Variants in ILDR1 observed in about 807,000 individuals in gnomAD.
ILDR1 encodes immunoglobulin-like domain-containing receptor 1.
In ILDR1, 56 loss-of-function variants were observed where a neutral mutation model predicts 62.4. That is an observed-to-expected ratio of 0.90 (90% CI 0.72 to 1.12). ILDR1 has a LOEUF of 1.12. Ranked by LOEUF, ILDR1 falls within the 50% of genes most tolerant of loss-of-function variation. The probability of loss-of-function intolerance (pLI) is 0.00; values close to 1 mark genes in which losing one functional copy is unlikely to be tolerated. For synonymous variants in ILDR1, 284 were observed against 277.8 expected (o/e 1.02, Z -0.22); for missense variants, 736 against 710.6 (o/e 1.04, Z -0.41).
chr3:122,049,314 T>A, the ILDR1 span, among the ~76,000 whole-genome samples: 1 of 152,170 alleles, frequency 6.6e-6, no homozygotes, highest in Admixed American at 6.5e-5. Flanking sequence ...TAAAAAAAAA[T>A]GTTCTGTGTG....
chr3:122,052,230 G>T, the ILDR1 span, among the ~76,000 whole-genome samples: 1 of 152,112 alleles, frequency 6.6e-6, no homozygotes, highest in African/African-American at 2.4e-5. Context: ...TAGCTCTTTG[G>T]TTTCTTTTCA....
intron 1 of ILDR1, among the ~76,000 whole-genome samples, chr3:122,008,783 G>A (rs890336634): frequency 6.6e-6 from 1 of 151,484 alleles, no homozygotes; most frequent in African/African-American, 2.4e-5. Context: ...AGTAGATGCA[G>A]GGTTTCACCA....
At chr3:122,046,833 A>T in the ILDR1 span, among the ~76,000 whole-genome samples, 3 of 137,950 alleles carry the variant, frequency 2.2e-5, no homozygotes, top group South Asian at 5.1e-4. Flanking sequence ...AATTTTTTTC[A>T]AAGTTTTCAA....
At chr3:122,017,823 C>T (rs1350952838) in intron 1 of ILDR1, among the ~76,000 whole-genome samples, 1 of 152,166 alleles carries the variant, frequency 6.6e-6, no homozygotes, top group African/African-American at 2.4e-5. Flanking sequence ...TAGAGAAAAG[C>T]AAATCAAATC....
chr3:122,002,458 T>C (rs1302755502), intron 3 of ILDR1, among the ~76,000 whole-genome samples: 2 of 152,190 alleles, frequency 1.3e-5, no homozygotes, highest in Non-Finnish European at 2.9e-5. Context: ...CTCTGGATCC[T>C]GAAGGACAGG....
intron 1 of ILDR1, among the ~76,000 whole-genome samples, chr3:122,018,782 G>A (rs989272556): frequency 2.6e-5 from 4 of 152,134 alleles, no homozygotes; most frequent in Admixed American, 1.3e-4. Flanking sequence ...GAGGTATTCA[G>A]GAGCTCCCAA....
chr3:122,040,957 A>G, the ILDR1 span, among the ~76,000 whole-genome samples: 4 of 152,228 alleles, frequency 2.6e-5, no homozygotes, highest in African/African-American at 7.2e-5. Context: ...GACACCATCA[A>G]GAGTGTGAAA....
chr3:122,012,152 C>T (rs564588460), intron 1 of ILDR1, among the ~76,000 whole-genome samples: 1 of 152,312 alleles, frequency 6.6e-6, no homozygotes, highest in African/African-American at 2.4e-5. Context: ...GTAAACCTAA[C>T]CACACTGGGC....
chr3:122,013,842 G>A (rs1223711682), intron 1 of ILDR1, among the ~76,000 whole-genome samples: 1 of 152,174 alleles, frequency 6.6e-6, no homozygotes, highest in Non-Finnish European at 1.5e-5. Flanking sequence ...GCAGCACCCC[G>A]AGAAGGAAAG....
chr3:122,012,141 T>C (rs1233389549), intron 1 of ILDR1, among the ~76,000 whole-genome samples: 3 of 152,172 alleles, frequency 2.0e-5, no homozygotes, highest in Non-Finnish European at 4.4e-5. Context: ...CTAACTTCTC[T>C]GTAAACCTAA....
the ILDR1 span, among the ~76,000 whole-genome samples, chr3:122,042,835 G>T: frequency 1.3e-5 from 2 of 152,090 alleles, no homozygotes; most frequent in Non-Finnish European, 2.9e-5. Flanking sequence ...AGATGAGTAG[G>T]TTGTGAAAAT....
chr3:121,997,464 T>C (rs756614941), intron 5 of ILDR1, among the ~76,000 whole-genome samples: 19 of 152,312 alleles, frequency 1.2e-4, no homozygotes, highest in South Asian at 2.1e-4. Flanking sequence ...CCCTCCTCTA[T>C]AGCAGCAGGT....
chr3:121,990,858 C>T (rs1442416258), intron 7 of ILDR1, among the ~76,000 whole-genome samples: 1 of 152,198 alleles, frequency 6.6e-6, no homozygotes, highest in Admixed American at 6.5e-5. Context: ...TGGCTTTGAG[C>T]ATGCTACTCA....
upstream of ILDR1, among the ~76,000 whole-genome samples, chr3:122,026,134 C>A (rs966479543): frequency 2.0e-5 from 3 of 152,146 alleles, no homozygotes; most frequent in African/African-American, 7.2e-5. Flanking sequence ...TCTGTATGAC[C>A]AGCTGGAGAA....
intron 1 of ILDR1, among the ~76,000 whole-genome samples, chr3:122,015,449 C>T (rs2071763517): frequency 6.6e-6 from 1 of 152,108 alleles, no homozygotes; most frequent in South Asian, 2.1e-4. Context: ...AATTGTAGTT[C>T]CCATAATCCA....
the ILDR1 span, among the ~76,000 whole-genome samples, chr3:122,048,668 G>C: frequency 6.6e-6 from 1 of 152,156 alleles, no homozygotes. Flanking sequence ...TCTGTTTCTA[G>C]GAATGTGTCC....
chr3:122,042,396 T>C, the ILDR1 span, among the ~76,000 whole-genome samples: 4,942 of 71,536 alleles, frequency 0.069, 203 homozygotes, highest in Non-Finnish European at 0.08. Context: ...TGTGTCTTTA[T>C]AGCAGCATGA....
At chr3:121,991,818 A>G in intron 7 of ILDR1, among the ~76,000 whole-genome samples, 1 of 152,214 alleles carries the variant, frequency 6.6e-6, no homozygotes, top group East Asian at 1.9e-4. Flanking sequence ...CACACCATGT[A>G]TGTGATTGAG....
chr3:122,022,270 T>TCCCCACGGCTCCGCCTCCCG, upstream of ILDR1: 1 of 475,080 alleles, frequency 2.1e-6, no homozygotes, highest in East Asian at 3.6e-5. Flanking sequence ...CCTGCGGCGC[T>TCCCCACGGCTCCGCCTCCCG]CCCCACGGCT....
Sources: gnomAD v4.1 joint callset for allele counts (sites outside exome capture counted in the v4.1 genomes callset) on GRCh38, gnomAD v4.1.1 for gene constraint, MANE v1.5 for transcripts, NCBI Gene and HGNC (gene_info 2026-07-23, HGNC 2026-07-21) for gene names.